Variants in GRID1 observed in about 807,000 individuals in gnomAD.
GRID1 encodes the protein glutamate ionotropic receptor delta type subunit 1, also known as glutamate receptor ionotropic, delta-1.
GRID1 carries 28 observed loss-of-function variants against 98.0 expected under a neutral mutation model. The ratio of observed to expected loss-of-function variants is 0.29; its 90% CI spans 0.21 to 0.39. The LOEUF is 0.39. Ranked by LOEUF, GRID1 falls within the 10% of genes least tolerant of loss-of-function variation. The probability of loss-of-function intolerance (pLI) is 1.00; values close to 1 mark genes in which losing one functional copy is unlikely to be tolerated. For synonymous variants in GRID1, 553 were observed against 538.5 expected (o/e 1.03, Z -0.37); for missense variants, 1,111 against 1,340.5 (o/e 0.83, Z 2.67).
intron 4 of GRID1, among the ~76,000 whole-genome samples, chr10:85,934,690 A>G (rs79343531): frequency 5.9e-5 from 9 of 152,314 alleles, no homozygotes; most frequent in African/African-American, 2.2e-4. Context: ...TATGTCTTTT[A>G]GAGCAGAAAA....
intron 8 of GRID1, among the ~76,000 whole-genome samples, chr10:85,835,562 C>T (rs1020511573): frequency 2.0e-5 from 3 of 152,158 alleles, no homozygotes; most frequent in Non-Finnish European, 4.4e-5. Flanking sequence ...ATTGTGAGGC[C>T]TACCCAGTCA....
chr10:86,340,691 C>T (rs560676690), intron 2 of GRID1, among the ~76,000 whole-genome samples: 42 of 152,242 alleles, frequency 2.8e-4, no homozygotes, highest in African/African-American at 9.6e-4. Flanking sequence ...TTTGATACAA[C>T]CAAAAACTAG....
At chr10:86,215,615 G>A (rs1030013159) in intron 2 of GRID1, among the ~76,000 whole-genome samples, 4 of 152,060 alleles carry the variant, frequency 2.6e-5, no homozygotes, top group East Asian at 1.9e-4. Flanking sequence ...GGAGAACCTC[G>A]AAAGCAACTG....
chr10:86,364,023 G>C lies in GRID1; in HGVS notation c.153C>G (p.Asn51Lys), dbSNP rs1278195163. The C allele has an allele frequency of 6.2e-7, 1 of 1,613,640 alleles. No individual in the cohort carries two copies. The highest frequency in any genetic ancestry group is 1.3e-5 in the African/African-American group (1 of 74,930). The change falls in exon 2 of 16, where the codon AAC becomes AAG. Residue 51 changes from asparagine (N) to lysine (K), a missense_variant. Physicochemically the swap from Asn to Lys is moderately conservative, Grantham distance 94 (BLOSUM62 0). Transcript: ENST00000327946. ...TCTTCTCGCTCTGCAGGATGTCATC[G>C]TTGAGGCTCAGGTCGGATACCGCCA... is the stretch of plus-strand genomic sequence containing the variant. The part of the protein sequence containing the change: ...FQLAVSDLSL[N>K]DDILQSEKIT...
At chr10:86,053,316 G>T (rs1173818630) in intron 4 of GRID1, among the ~76,000 whole-genome samples, 1 of 151,888 alleles carries the variant, frequency 6.6e-6, no homozygotes, top group Non-Finnish European at 1.5e-5. Context: ...AGCTACTCTC[G>T]TGGACATCTA....
At chr10:85,676,395 G>A (rs896310543) in intron 12 of GRID1, among the ~76,000 whole-genome samples, 3 of 152,134 alleles carry the variant, frequency 2.0e-5, no homozygotes, top group East Asian at 3.9e-4. Context: ...GAGTTCTTGC[G>A]GGATCAGGCT....
At chr10:85,709,658 G>T (rs1485606825) in intron 12 of GRID1, among the ~76,000 whole-genome samples, 3 of 152,064 alleles carry the variant, frequency 2.0e-5, no homozygotes, top group Non-Finnish European at 2.9e-5. Context: ...TCATAGTCTG[G>T]ATTAGAATTA....
chr10:85,871,478 C>T (rs1328905550), intron 5 of GRID1, among the ~76,000 whole-genome samples: 2 of 152,172 alleles, frequency 1.3e-5, no homozygotes, highest in Non-Finnish European at 2.9e-5. Flanking sequence ...TTAAGAAAAG[C>T]TCTGGTTCAC....
chr10:85,935,314 C>G lies in GRID1; in HGVS notation c.727-19075G>C, dbSNP rs542552442. Among the ~76,000 whole-genome samples, 32 of 152,320 alleles carry G rather than the reference C, an allele frequency of 2.1e-4. 1 individual carries two copies. The South Asian group carries it at 6.6e-3, about 32-fold the overall frequency. On this transcript the variant is annotated intron_variant, in intron 4 of 15. Transcript: ENST00000327946. Reference sequence around the variant, plus strand: ...GGGAAACTGAGGCAGGGTGAGAGGTCACCTGAAGAAGGTAGAAAGCCTCAG... The same window carrying G: ...GGGAAACTGAGGCAGGGTGAGAGGTGACCTGAAGAAGGTAGAAAGCCTCAG...
At chr10:86,331,967 G>A (rs1848149046) in intron 2 of GRID1, among the ~76,000 whole-genome samples, 2 of 152,116 alleles carry the variant, frequency 1.3e-5, no homozygotes, top group Admixed American at 1.3e-4. Context: ...TGTTGGACAG[G>A]AATGACACAG....
At chr10:86,054,487 C>A (rs74148920) in intron 4 of GRID1, among the ~76,000 whole-genome samples, 4,389 of 152,278 alleles carry the variant, frequency 0.029, 113 homozygotes, top group African/African-American at 0.069. Context: ...GTCCTGCCAA[C>A]CCCCTTCTGG....
At chr10:86,004,671 A>T (rs759660772) in intron 4 of GRID1, among the ~76,000 whole-genome samples, 6 of 151,848 alleles carry the variant, frequency 4.0e-5, no homozygotes, top group Non-Finnish European at 8.8e-5. Context: ...AGTCTCTGTA[A>T]TTGTGTGAGC....
At chr10:85,935,371 T>C (rs1841912835) in intron 4 of GRID1, among the ~76,000 whole-genome samples, 1 of 152,078 alleles carries the variant, frequency 6.6e-6, no homozygotes, top group South Asian at 2.1e-4. Context: ...ATTACAAATA[T>C]CCTCCCAAAA....
chr10:85,634,172 A>T (rs928103405), intron 13 of GRID1, among the ~76,000 whole-genome samples: 5 of 147,884 alleles, frequency 3.4e-5, no homozygotes, highest in African/African-American at 1.2e-4. Context: ...CTCCATCTGA[A>T]AAAAAAAAAA....
intron 2 of GRID1, among the ~76,000 whole-genome samples, chr10:86,231,050 A>G (rs1305060756): frequency 1.3e-5 from 2 of 152,216 alleles, no homozygotes; most frequent in East Asian, 1.9e-4. Context: ...CTCTAAGCAC[A>G]ACTCTGGCTC....
intron 12 of GRID1, among the ~76,000 whole-genome samples, chr10:85,681,017 C>T (rs1841202796): frequency 6.6e-6 from 1 of 152,160 alleles, no homozygotes; most frequent in Non-Finnish European, 1.5e-5. Flanking sequence ...GAGAAATTAC[C>T]TTATGGGTAC....
intron 8 of GRID1, among the ~76,000 whole-genome samples, chr10:85,844,505 T>C (rs112618800): frequency 0.014 from 2,079 of 151,458 alleles, 46 homozygotes; most frequent in African/African-American, 0.047. Flanking sequence ...ATGAGATCCA[T>C]AGCTTGTATC....
chr10:85,633,286 C>T (rs990078047), intron 13 of GRID1, among the ~76,000 whole-genome samples: 5 of 152,114 alleles, frequency 3.3e-5, no homozygotes, highest in African/African-American at 1.2e-4. Flanking sequence ...TATTATTATT[C>T]TTATTATTCA....
chr10:85,698,810 T>C (rs1471886390), intron 12 of GRID1, among the ~76,000 whole-genome samples: 1 of 152,206 alleles, frequency 6.6e-6, no homozygotes, highest in African/African-American at 2.4e-5. Context: ...CACCAGCATT[T>C]GGTGCTATTG....
Sources: allele counts gnomAD v4.1 joint callset (sites outside exome capture counted in the v4.1 genomes callset), GRCh38; gene constraint gnomAD v4.1.1; transcripts MANE v1.5; gene names NCBI Gene and HGNC (gene_info 2026-07-23, HGNC 2026-07-21).